The following PSMD12 variants were observed in gnomAD, a reference collection of about 807,000 sequenced individuals.
The protein encoded by PSMD12 is 26S proteasome non-ATPase regulatory subunit 12.
Under a neutral mutation model 62.9 loss-of-function variants are expected in PSMD12, and 8 were observed. The observed-to-expected ratio is 0.13, with a 90% CI of 0.07 to 0.23. PSMD12 has a LOEUF of 0.23. Among genes scored for constraint, PSMD12 ranks in the 10% least tolerant of loss-of-function variants. PSMD12 has a pLI of 1.00. For synonymous variants in PSMD12, 173 were observed against 187.4 expected, an observed-to-expected ratio of 0.92 and a Z score of 0.63; for missense variants, 424 against 550.2, an observed-to-expected ratio of 0.77 and a Z score of 2.29.
At chr17:67,352,070 G>C (rs1262943590) in intron 3 of PSMD12, among the ~76,000 whole-genome samples, 1 of 143,504 alleles carries the variant, frequency 7.0e-6, no homozygotes, top group Non-Finnish European at 1.5e-5. Context: ...ACAAGAGCGA[G>C]AATCTCTCTC....
At chr17:67,356,013 C>G (rs2042067482) in intron 3 of PSMD12, among the ~76,000 whole-genome samples, 1 of 138,418 alleles carries the variant, frequency 7.2e-6, no homozygotes, top group Non-Finnish European at 1.6e-5. Flanking sequence ...CACACACGCA[C>G]ACACACACAA....
At chr17:67,362,617 G>A (rs1178465748) in intron 1 of PSMD12, among the ~76,000 whole-genome samples, 3 of 148,220 alleles carry the variant, frequency 2.0e-5, no homozygotes, top group Non-Finnish European at 3.0e-5. Flanking sequence ...AGCCGAGATC[G>A]CGCCACTGCA....
Position 67,344,876 on chromosome 17 carries a change from T to A in PSMD12, c.909-96A>T, listed in dbSNP as rs574058220. The stretch of plus-strand genomic sequence containing the variant: ...TCAAAAAATTCAGCAAAGACTGTTT[T>A]CGTTAAATTTTATTTAGTAGAATGA... On this transcript the variant is annotated intron_variant, in intron 8 of 10. Transcript: ENST00000356126. 1.7e-3 allele frequency: 1,837 copies of A among 1,054,386 alleles called. 26 individuals are homozygous for A. The South Asian group carries it at 0.027, about 15-fold the overall frequency. The allele number at this position is 1,054,386 out of a possible 1,614,324, so 65.3% of individuals were successfully genotyped here. A position where few individuals can be genotyped will look rare whatever the true frequency, so the allele number is the denominator to read the frequency against.
intron 1 of PSMD12, among the ~76,000 whole-genome samples, chr17:67,360,768 T>C (rs1013972323): frequency 6.6e-6 from 1 of 152,210 alleles, no homozygotes; most frequent in Non-Finnish European, 1.5e-5. Context: ...ATAATACGTG[T>C]TGAATGGATT....
intron 9 of PSMD12, among the ~76,000 whole-genome samples, chr17:67,343,709 GTC>G (rs2041936907): frequency 6.6e-6 from 1 of 151,982 alleles, no homozygotes; most frequent in Admixed American, 6.6e-5. Flanking sequence ...AATGGGTAAT[GTC>G]TGTTTTTTTT....
In PSMD12 at chr17:67,348,567, T is replaced by C; in HGVS notation, c.493A>G (p.Ile165Val). The C allele has an allele frequency of 6.2e-7, 1 of 1,613,606 alleles. No individual in the cohort carries two copies. Residue 165 changes from isoleucine to valine, a missense_variant, in exon 5 of 11, where the codon ATT becomes GTT. Coordinates refer to ENST00000356126, the MANE Select transcript of PSMD12 (RefSeq NM_002816.5). The stretch of plus-strand genomic sequence containing the variant: ...TACCTTACCTGTAACTCCTGTAAAA[T>C]GGAGGCTGCCTCTTTCACATCACCA... ...QNGDVKEAAS[I>V]LQELQVETYG...
intron 3 of PSMD12, among the ~76,000 whole-genome samples, chr17:67,354,921 C>T (rs536644244): frequency 5.9e-5 from 9 of 151,934 alleles, no homozygotes; most frequent in South Asian, 4.2e-4. Flanking sequence ...ACCCGAGGGG[C>T]GGAGGTTGCA....
In PSMD12 at chr17:67,345,795, C is replaced by T. The variant is rs1439581117; in HGVS notation, c.858G>A (p.Leu286=). The change falls in exon 8 of 11, where the codon TTG becomes TTA. Residue 286 remains leucine (L), a synonymous_variant. Coordinates refer to ENST00000356126, the MANE Select transcript of PSMD12 (RefSeq NM_002816.5). ...LAPFDNEQSD[L]VHRISGDKKL... is the part of the protein sequence containing the mutation. ...TCTTGTCACCACTTATTCGGTGAAC[C>T]AAATCTGACTGTTCATTGTCAAAAG... The T allele has an allele frequency of 6.2e-7, 1 of 1,613,540 alleles. No homozygotes were observed. Among genetic ancestry groups the T allele is most frequent in the Non-Finnish European group, 8.5e-7 (1 of 1,179,826 alleles).
chr17:67,348,695 C>G (rs765633265), intron 4 of PSMD12, 41 bp from the exon 5 acceptor site: 2 of 1,564,820 alleles, frequency 1.3e-6, no homozygotes, highest in Non-Finnish European at 1.7e-6. Flanking sequence ...TCCATGGAAA[C>G]GTGTTAAAAT....
In PSMD12 at chr17:67,366,550, C is replaced by T; in HGVS notation, c.-31G>A. The stretch of plus-strand genomic sequence containing the variant: ...CCGCCTGAGCGTCCCTTGCTGTCCC[C>T]CTGCTTCGGCCACCACTCGTCACCC... On this transcript the variant is annotated 5_prime_UTR_variant, in exon 1 of 11. Transcript: ENST00000356126. The T allele has an allele frequency of 6.4e-7, 1 of 1,567,310 alleles. No individual in the cohort carries two copies. Among genetic ancestry groups the T allele is most frequent in the South Asian group, 1.1e-5 (1 of 88,800 alleles).
At chr17:67,363,787 T>C (rs2042155301) in intron 1 of PSMD12, among the ~76,000 whole-genome samples, 1 of 152,174 alleles carries the variant, frequency 6.6e-6, no homozygotes, top group African/African-American at 2.4e-5. Context: ...CGGTGGCTCA[T>C]GCCTGTAATC....
At chr17:67,351,565 G>A (rs1160697409) in intron 3 of PSMD12, among the ~76,000 whole-genome samples, 4 of 151,938 alleles carry the variant, frequency 2.6e-5, no homozygotes, top group African/African-American at 7.2e-5. Context: ...CAGGCTAAAT[G>A]TTTTTGTTGT....
At chr17:67,351,418 A>T (rs1209177906) in intron 3 of PSMD12, among the ~76,000 whole-genome samples, 1 of 148,812 alleles carries the variant, frequency 6.7e-6, no homozygotes, top group Non-Finnish European at 1.5e-5. Context: ...AATAATAATA[A>T]TAATAATAAT....
intron 1 of PSMD12, among the ~76,000 whole-genome samples, chr17:67,365,733 A>G (rs776573873): frequency 5.3e-5 from 8 of 152,078 alleles, no homozygotes; most frequent in Admixed American, 6.6e-5. Flanking sequence ...GTCTTCAGTA[A>G]TGACTCCACC....
intron 1 of PSMD12, 44 bp from the exon 2 acceptor site, chr17:67,357,622 T>C (rs971622516): frequency 5.2e-6 from 8 of 1,552,440 alleles, no homozygotes; most frequent in Non-Finnish European, 6.2e-6. Flanking sequence ...ACACACAAAA[T>C]GCAAATAACT....
chr17:67,342,564 A>ATTT (rs1247522772), intron 9 of PSMD12: 1 of 187,682 alleles, frequency 5.3e-6, no homozygotes, highest in African/African-American at 2.3e-5. Context: ...GTACTGAAAT[A>ATTT]TTTTTGCTGA....
Position 67,341,011 on chromosome 17 carries a change from G to A in PSMD12, c.1203C>T (p.Thr401=). 6.4e-7 allele frequency: 1 copy of A among 1,554,526 alleles called. No individual in the cohort carries two copies. Among genetic ancestry groups the A allele is most frequent in the South Asian group, 1.2e-5 (1 of 80,608 alleles). The part of the protein sequence containing the change: ...AFLSNLVVNK[T]IFAKVDRLAG... ...CTAATCTGTCTACTTTAGCAAAGAT[G>A]GTCTTGTTAACTACTAGATTTGAGA... is the stretch of plus-strand genomic sequence containing the variant. The change falls in exon 11 of 11, where the codon ACC becomes ACT. Residue 401 remains threonine (T), a synonymous_variant. Coordinates refer to ENST00000356126, the MANE Select transcript of PSMD12 (RefSeq NM_002816.5).
rs1369981824 is a variant in PSMD12, at chr17:67,339,695, C to T, written c.*1148G>A. The T allele has an allele frequency of 3.3e-5, 5 of 151,866 alleles. No individual in the cohort carries two copies. Among genetic ancestry groups the T allele is most frequent in the African/African-American group, 4.8e-5 (2 of 41,248 alleles). 9.4% of individuals were successfully genotyped at this position (151,866 alleles called of 1,614,324 possible). ...GAATTTTTTTAAAGTAGACCTCACACTTTCTTTATTTAAGTATCATTTTAA... is the reference window on the plus strand; with the variant it reads ...GAATTTTTTTAAAGTAGACCTCACATTTTCTTTATTTAAGTATCATTTTAA... On this transcript the variant is annotated 3_prime_UTR_variant, in exon 11 of 11. Transcript: ENST00000356126.
intron 9 of PSMD12, chr17:67,342,613 C>CAATTATACAAAACA (rs1252233486): frequency 6.3e-6 from 1 of 159,488 alleles, no homozygotes; most frequent in Non-Finnish European, 1.4e-5. Flanking sequence ...AATTATAACA[C>CAATTATACAAAACA]AAATGTTTTA....
Sources: allele counts gnomAD v4.1 joint callset (sites outside exome capture counted in the v4.1 genomes callset), GRCh38; gene constraint gnomAD v4.1.1; transcripts MANE v1.5; gene names NCBI Gene and HGNC (gene_info 2026-07-23, HGNC 2026-07-21).